Variants in XXYLT1 observed in about 807,000 individuals in gnomAD.
XXYLT1 encodes the protein UDP-xylose:alpha-xyloside alpha-1,3-xylosyltransferase.
In XXYLT1, 20 loss-of-function variants were observed where a neutral mutation model predicts 28.9. The observed-to-expected ratio is 0.69, with a 90% CI of 0.49 to 1.00. The LOEUF is 1.00. XXYLT1 is among the 50% of genes least tolerant of loss of function. The pLI is 0.00. For synonymous variants in XXYLT1, 257 were observed against 253.8 expected (o/e 1.01, Z -0.12); for missense variants, 542 against 560.1 (o/e 0.97, Z 0.33).
intron 3 of XXYLT1, among the ~76,000 whole-genome samples, chr3:195,118,800 C>T (rs959993249): frequency 7.2e-5 from 11 of 152,290 alleles, no homozygotes; most frequent in South Asian, 2.1e-4. Context: ...GGTAAAGATA[C>T]GAGTACACAA....
chr3:195,234,099 A>ACCAT (rs1293982910), intron 1 of XXYLT1, among the ~76,000 whole-genome samples: 6 of 143,198 alleles, frequency 4.2e-5, no homozygotes, highest in African/African-American at 1.6e-4. Flanking sequence ...TTTTTTTTTT[A>ACCAT]GTAGAGACGG....
chr3:195,226,680 G>C, intron 2 of XXYLT1, 29 bp downstream of exon 2: 1 of 1,606,708 alleles, frequency 6.2e-7, no homozygotes, highest in Admixed American at 1.7e-5. Context: ...AGACACCCAG[G>C]GGCTATTGCT....
intron 1 of XXYLT1, among the ~76,000 whole-genome samples, chr3:195,253,992 G>A (rs762427277): frequency 6.6e-6 from 1 of 152,186 alleles, no homozygotes; most frequent in Admixed American, 6.5e-5. Flanking sequence ...CGGTGCTCTC[G>A]GACAAGTCAC....
At chr3:195,206,799 TA>T (rs1441659710) in intron 2 of XXYLT1, among the ~76,000 whole-genome samples, 1 of 152,026 alleles carries the variant, frequency 6.6e-6, no homozygotes, top group African/African-American at 2.4e-5. Context: ...TAGAGAGACT[TA>T]TCAAAATATT....
At chr3:195,181,674 AGAG>A (rs963895702) in intron 2 of XXYLT1, among the ~76,000 whole-genome samples, 9 of 152,160 alleles carry the variant, frequency 5.9e-5, no homozygotes, top group African/African-American at 1.9e-4. Flanking sequence ...CCCTCATTTC[AGAG>A]GAGAAGTCTT....
chr3:195,204,643 G>A (rs1233945770), intron 2 of XXYLT1, among the ~76,000 whole-genome samples: 1 of 152,182 alleles, frequency 6.6e-6, no homozygotes, highest in East Asian at 1.9e-4. Context: ...AGGGACTGTG[G>A]TCTTCATGGG....
chr3:195,130,208 C>T (rs1333068166), intron 3 of XXYLT1, among the ~76,000 whole-genome samples: 2 of 152,174 alleles, frequency 1.3e-5, no homozygotes, highest in Non-Finnish European at 2.9e-5. Context: ...TCTGAGGACC[C>T]TCAGGTACAG....
At chr3:195,116,748 G>T (rs555149129) in intron 3 of XXYLT1, among the ~76,000 whole-genome samples, 1 of 152,282 alleles carries the variant, frequency 6.6e-6, no homozygotes, top group South Asian at 2.1e-4. Flanking sequence ...CCATCTCCAG[G>T]ACCAGGTAAA....
intron 3 of XXYLT1, among the ~76,000 whole-genome samples, chr3:195,106,083 T>C (rs1176546186): frequency 1.3e-5 from 2 of 152,254 alleles, no homozygotes; most frequent in Admixed American, 6.5e-5. Context: ...ACGTGGTCTC[T>C]TTATCCAAAA....
intron 2 of XXYLT1, among the ~76,000 whole-genome samples, chr3:195,162,138 C>T (rs932342575): frequency 7.2e-5 from 11 of 151,826 alleles, no homozygotes; most frequent in Non-Finnish European, 1.5e-4. Flanking sequence ...ATGAGGAAAT[C>T]GAGAAGTATA....
At chr3:195,113,972 C>A (rs1307732359) in intron 3 of XXYLT1, among the ~76,000 whole-genome samples, 1 of 152,158 alleles carries the variant, frequency 6.6e-6, no homozygotes, top group Admixed American at 6.5e-5. Flanking sequence ...ACAGTGCAAG[C>A]AAAGATAAGC....
chr3:195,175,515 C>G, intron 2 of XXYLT1: 1 of 1,373,640 alleles, frequency 7.3e-7, no homozygotes, highest in Non-Finnish European at 9.7e-7. Flanking sequence ...GTTGACTTTG[C>G]TGCACCCATG....
At chr3:195,098,389 T>C (rs1716572816) in intron 3 of XXYLT1, among the ~76,000 whole-genome samples, 1 of 152,056 alleles carries the variant, frequency 6.6e-6, no homozygotes, top group Non-Finnish European at 1.5e-5. Context: ...CTGTCTCTAC[T>C]AAAAATACAA....
rs200443912 is a variant in XXYLT1, at chr3:195,175,182, G to C, written c.653-18601C>G. On this transcript the variant is annotated intron_variant, in intron 2 of 3. Transcript: ENST00000310380. ...AGTTGTTGAGCATCAAATTCTGCCA[G>C]GGCAGAGCGGTCAGGGAAGTACACA... 3.9e-5 allele frequency among the ~76,000 whole-genome samples: 6 copies of C among 152,330 alleles called. No homozygotes were observed. In the East Asian group the frequency reaches 1.2e-3, roughly 29 times the overall value.
chr3:195,148,719 G>A (rs1720011318), intron 3 of XXYLT1, among the ~76,000 whole-genome samples: 1 of 152,180 alleles, frequency 6.6e-6, no homozygotes, highest in South Asian at 2.1e-4. Flanking sequence ...TTGGCTAGAG[G>A]TTAGTGCTGC....
chr3:195,070,800 A>G (rs1714759979), intron 3 of XXYLT1, among the ~76,000 whole-genome samples: 1 of 152,238 alleles, frequency 6.6e-6, no homozygotes, highest in South Asian at 2.1e-4. Flanking sequence ...GCGACAGCCC[A>G]GGGCACACCA....
At chr3:195,261,073 A>T (rs1725683075) in intron 1 of XXYLT1, among the ~76,000 whole-genome samples, 1 of 152,186 alleles carries the variant, frequency 6.6e-6, no homozygotes, top group African/African-American at 2.4e-5. Flanking sequence ...AGCCTCAGGG[A>T]TGCCACACCT....
At chr3:195,229,700 T>C (rs1179635322) in intron 1 of XXYLT1, among the ~76,000 whole-genome samples, 1 of 152,266 alleles carries the variant, frequency 6.6e-6, no homozygotes, top group Non-Finnish European at 1.5e-5. Context: ...TCCATCACTG[T>C]TGTTGCAAAT....
chr3:195,150,278 C>G lies in XXYLT1; in HGVS notation c.785+6171G>C, dbSNP rs12639008. Among the ~76,000 whole-genome samples, 38,040 of 152,096 alleles carry G rather than the reference C, an allele frequency of 0.25. 5,566 individuals are homozygous for G. Among genetic ancestry groups the G allele is most frequent in the East Asian group, 0.57 (2,937 of 5,174 alleles). On this transcript the variant is annotated intron_variant, in intron 3 of 3. Transcript: ENST00000310380. The surrounding 1 kb of genome is among the most constrained non-coding windows in gnomAD (Gnocchi z 4.7). ...AGCTAAAGAGACTAAGGCTCAGAGACGTCAAGAGACTTGCCCAAGGTCACA... is the reference window on the plus strand; with the variant it reads ...AGCTAAAGAGACTAAGGCTCAGAGAGGTCAAGAGACTTGCCCAAGGTCACA...
Sources: gnomAD v4.1 joint callset for allele counts (sites outside exome capture counted in the v4.1 genomes callset) on GRCh38, gnomAD v4.1.1 for gene constraint, Gnocchi (gnomAD v3.1) non-coding constraint, MANE v1.5 for transcripts, NCBI Gene and HGNC (gene_info 2026-07-23, HGNC 2026-07-21) for gene names.